TAF1: variants seen among roughly 807,000 people sequenced by gnomAD.
The protein encoded by TAF1 is TATA-box binding protein associated factor 1.
TAF1 carries 2 observed loss-of-function variants against 138.5 expected under a neutral mutation model. The ratio of observed to expected loss-of-function variants is 0.01; its 90% CI spans 0.01 to 0.05. The LOEUF (loss-of-function observed/expected upper bound fraction) is 0.05, where lower values mean the gene tolerates loss of function less well. TAF1 is among the 10% of genes least tolerant of loss of function. The pLI is 1.00. For missense variants in TAF1, 709 were observed against 1,478.0 expected, an observed-to-expected ratio of 0.48 and a Z score of 8.53; for synonymous variants, 437 against 503.2, an observed-to-expected ratio of 0.87 and a Z score of 1.76.
At chrX:71,372,109 C>T (rs188187432) in intron 3 of TAF1, among the ~76,000 whole-genome samples, 194 of 110,665 alleles carry the variant, frequency 1.8e-3, no homozygotes, top group African/African-American at 6.0e-3. Flanking sequence ...TATTAAGGTC[C>T]GAAGTAGGGT....
In TAF1 at chrX:71,464,581, T is replaced by C. The variant is rs950673685; in HGVS notation, c.*535T>C. On this transcript the variant is annotated 3_prime_UTR_variant, in exon 38 of 38. Coordinates refer to ENST00000423759, the MANE Select transcript of TAF1 (RefSeq NM_004606.5). ...TTAGCCAGGTGTGGTGGCGTATGCCTGTTAATCCTAGCTACTCGGGAGGCT... is the reference window on the plus strand; with the variant it reads ...TTAGCCAGGTGTGGTGGCGTATGCCCGTTAATCCTAGCTACTCGGGAGGCT... The C allele has an allele frequency of 4.2e-5, 9 of 213,407 alleles. No individual in the cohort carries two copies. Among genetic ancestry groups the C allele is most frequent in the Non-Finnish European group, 7.6e-5 (9 of 119,057 alleles). The allele number at this position is 213,407 out of a possible 1,213,427, so 17.6% of individuals were successfully genotyped here.
intron 13 of TAF1, among the ~76,000 whole-genome samples, chrX:71,524,940 CAA>C (rs372754714): frequency 2.0e-4 from 11 of 55,397 alleles, no homozygotes; most frequent in Admixed American, 3.8e-4. Context: ...GACTCTGTCT[CAA>C]AAAAAAAAAA....
intron 13 of TAF1, among the ~76,000 whole-genome samples, chrX:71,503,328 G>GTATA (rs758040656): frequency 1.1e-5 from 1 of 88,767 alleles, no homozygotes; most frequent in African/African-American, 4.7e-5. Flanking sequence ...ATATGTGTGT[G>GTATA]TATATATATA....
intron 28 of TAF1, among the ~76,000 whole-genome samples, chrX:71,412,239 C>T (rs772386802): frequency 1.8e-5 from 2 of 108,507 alleles, no homozygotes; most frequent in East Asian, 5.8e-4. Flanking sequence ...ATCCTCCCGT[C>T]TTAGCATCTC....
intron 18 of TAF1, among the ~76,000 whole-genome samples, chrX:71,391,683 C>T (rs376686407): frequency 7.4e-4 from 74 of 99,375 alleles, no homozygotes; most frequent in African/African-American, 2.6e-3. Flanking sequence ...GGCTGGAGTG[C>T]AGTGGTGCAG....
chrX:71,518,840 C>T (rs980562963), intron 13 of TAF1, among the ~76,000 whole-genome samples: 4 of 105,251 alleles, frequency 3.8e-5, no homozygotes, highest in African/African-American at 1.0e-4. Context: ...GAACTACAGG[C>T]GCGTGCCACC....
At chrX:71,454,584 CCT>C (rs1480240778) in intron 33 of TAF1, among the ~76,000 whole-genome samples, 155 bp from the exon 34 acceptor site, 3 of 111,695 alleles carry the variant, frequency 2.7e-5, no homozygotes, top group Admixed American at 9.5e-5. Flanking sequence ...CTCCGCATCC[CCT>C]GTTTCCTTCC....
At chrX:71,478,430 A>G (rs895388872) in intron 13 of TAF1, among the ~76,000 whole-genome samples, 2 of 111,137 alleles carry the variant, frequency 1.8e-5, no homozygotes, top group South Asian at 7.6e-4. Context: ...CCGAGGTAGG[A>G]GGATCACTTG....
chrX:71,368,526 A>G (rs2032743421), intron 3 of TAF1: 1 of 164,127 alleles, frequency 6.1e-6, no homozygotes, highest in African/African-American at 3.0e-5. Context: ...TAAGGAATGG[A>G]TAGTTCAAGA....
chrX:71,459,708 G>A lies in TAF1; in HGVS notation c.5221G>A (p.Ala1741Thr), dbSNP rs753321129. 14 of 1,210,502 alleles carry A rather than the reference G, an allele frequency of 1.2e-5. No homozygotes were observed. The South Asian group carries it at 1.9e-4, about 17-fold the overall frequency. The change falls in exon 36 of 38, where the codon GCT becomes ACT. Residue 1741 changes from alanine to threonine, a missense_variant and splice_region_variant. Transcript: ENST00000423759. ...TGAAGAAGGAGACAATCCTTTCTCT[G>A]GTAGGCCTCAACCATTGCTTCTATT... ...SDEEGDNPFS[A>T]IQLSESGSDS...
intron 13 of TAF1, among the ~76,000 whole-genome samples, chrX:71,483,213 C>T (rs1451627639): frequency 3.2e-5 from 3 of 92,439 alleles, no homozygotes; most frequent in African/African-American, 4.2e-5. Context: ...ATCTTGAACT[C>T]CTGGGCTCAA....
intron 13 of TAF1, among the ~76,000 whole-genome samples, chrX:71,525,400 A>G (rs1198160358): frequency 8.9e-6 from 1 of 112,063 alleles, no homozygotes; most frequent in Non-Finnish European, 1.9e-5. Flanking sequence ...AAAGGAAGAA[A>G]CACCTTGAAT....
chrX:71,403,991 C>G (rs1437049500), intron 25 of TAF1, among the ~76,000 whole-genome samples: 1 of 104,464 alleles, frequency 9.6e-6, no homozygotes, highest in East Asian at 3.0e-4. Context: ...TGTTTTTTCT[C>G]GAGACAGAGT....
intron 13 of TAF1, among the ~76,000 whole-genome samples, chrX:71,503,701 G>A (rs770619823): frequency 1.8e-5 from 2 of 109,971 alleles, no homozygotes; most frequent in African/African-American, 6.6e-5. Context: ...TAATGTGGCT[G>A]GTTCAACTTT....
At chrX:71,490,233 AAACT>A (rs1195433615) in intron 13 of TAF1, among the ~76,000 whole-genome samples, 2 of 112,264 alleles carry the variant, frequency 1.8e-5, no homozygotes, top group Non-Finnish European at 3.8e-5. Context: ...CCTCACCAAC[AAACT>A]AACATGCTGG....
chrX:71,382,907 A>G (rs900167546), intron 11 of TAF1, 39 bp downstream of exon 11: 1 of 1,194,730 alleles, frequency 8.4e-7, no homozygotes, highest in Non-Finnish European at 1.1e-6. Flanking sequence ...GGAGAACCCC[A>G]TGGCTTTGTT....
chrX:71,456,953 C>G (rs756289709), intron 34 of TAF1, among the ~76,000 whole-genome samples: 5 of 111,099 alleles, frequency 4.5e-5, no homozygotes, highest in Non-Finnish European at 7.5e-5. Context: ...CAGGCGTGAG[C>G]CACCGCGCCC....
chrX:71,396,946 GC>G (rs758483015), intron 22 of TAF1, among the ~76,000 whole-genome samples: 1 of 104,891 alleles, frequency 9.5e-6, no homozygotes, highest in Non-Finnish European at 1.9e-5. Context: ...GATGGATTGA[GC>G]CTGGGAGGTG....
At chrX:71,383,661 C>T (rs2034033966) in intron 12 of TAF1, among the ~76,000 whole-genome samples, 1 of 111,943 alleles carries the variant, frequency 8.9e-6, no homozygotes, top group South Asian at 3.7e-4. Context: ...TAGTTGTTAA[C>T]ACTGTTATTG....
Sources: allele counts gnomAD v4.1 joint callset (sites outside exome capture counted in the v4.1 genomes callset), GRCh38; gene constraint gnomAD v4.1.1; transcripts MANE v1.5; gene names NCBI Gene and HGNC (gene_info 2026-07-23, HGNC 2026-07-21).